TMEM132D: variants seen among roughly 807,000 people sequenced by gnomAD.
The protein encoded by TMEM132D is mature OL transmembrane protein.
TMEM132D carries 21 observed loss-of-function variants against 62.3 expected under a neutral mutation model. The observed-to-expected ratio is 0.34, with a 90% confidence interval of 0.24 to 0.49. The LOEUF (loss-of-function observed/expected upper bound fraction) is 0.49. TMEM132D is among the 20% of genes least tolerant of loss of function. TMEM132D has a pLI of 0.99. For synonymous variants in TMEM132D, 621 were observed against 575.6 expected (o/e 1.08, Z -1.13); for missense variants, 1,346 against 1,402.8 (o/e 0.96, Z 0.65).
chr12:129,163,303 C>G (rs919535246), intron 5 of TMEM132D, among the ~76,000 whole-genome samples: 1 of 152,224 alleles, frequency 6.6e-6, no homozygotes, highest in Non-Finnish European at 1.5e-5. Context: ...TCATTTCTCC[C>G]TCCTACATTC....
At chr12:129,662,812 A>AGAGAGAGAGAG (rs1555224286) in intron 2 of TMEM132D, among the ~76,000 whole-genome samples, 4 of 83,414 alleles carry the variant, frequency 4.8e-5, no homozygotes, top group Non-Finnish European at 4.4e-5. Context: ...AAAAAAAAAA[A>AGAGAGAGAGAG]AGAGAGAGAG....
chr12:129,656,839 T>C (rs866209797), intron 2 of TMEM132D, among the ~76,000 whole-genome samples: 1 of 152,174 alleles, frequency 6.6e-6, no homozygotes, highest in South Asian at 2.1e-4. Flanking sequence ...TCCAGACAAG[T>C]TAAGTATCTC....
At position 129,078,779 on chromosome 12, in the gene TMEM132D, C is replaced by A. The variant is rs1235719980; in HGVS notation, c.1924-54G>T. 1.9e-6 allele frequency: 3 copies of A among 1,576,096 alleles called. No individual in the cohort carries two copies. In the East Asian group the frequency reaches 6.8e-5, roughly 36 times the overall value. ...AAGGCTTTCTGTGGTCCAGGCAATG[C>A]CTCCAGTCACAGGAGGAAGTGCCAG... is the stretch of plus-strand genomic sequence containing the variant. On this transcript the variant is annotated intron_variant, in intron 7 of 8. Transcript: ENST00000422113.
In TMEM132D at chr12:129,073,046, TG is replaced by T. The variant is rs1874123149; in HGVS notation, c.*828del. 6.6e-6 allele frequency: 1 copy of T among 152,172 alleles called. No homozygotes were observed. Among genetic ancestry groups the T allele is most frequent in the Admixed American group, 6.5e-5 (1 of 15,286 alleles). 9.4% of individuals were successfully genotyped at this position (152,172 alleles called of 1,614,324 possible). Reference sequence around the variant, plus strand: ...CCCACCCACAGGTGACCAACGGCTTTGGGGAGGATGGCAATGCAGTGGAGGA... The same window carrying T: ...CCCACCCACAGGTGACCAACGGCTTTGGGAGGATGGCAATGCAGTGGAGGA... On this transcript the variant is annotated 3_prime_UTR_variant, in exon 9 of 9. Coordinates refer to ENST00000422113, the MANE Select transcript of TMEM132D (RefSeq NM_133448.3).
intron 8 of TMEM132D, 38 bp downstream of exon 8, chr12:129,078,496 G>A (rs767548424): frequency 1.8e-5 from 28 of 1,588,722 alleles, no homozygotes; most frequent in Non-Finnish European, 2.3e-5. Context: ...ACTTGGTGAG[G>A]GACCCTGCTG....
rs1022917530 is a variant in TMEM132D, at chr12:129,081,994, C to G, written c.1688G>C (p.Arg563Pro). The change falls in exon 7 of 9, where the codon CGG (arginine) becomes CCG (proline). Residue 563 changes from arginine (R) to proline (P), a missense_variant. Physicochemically the swap from Arg to Pro is moderately radical, Grantham distance 103. Coordinates refer to ENST00000422113, the MANE Select transcript of TMEM132D (RefSeq NM_133448.3). ...CTGCAGGGTGCAGCCGCGGCCCCTC[C>G]GCTCATCATCCTCCTCCTCTTCACT... is the stretch of plus-strand genomic sequence containing the variant. ...GDSEEEEDDE[R>P]RGRGCTLQYQ... The G allele has an allele frequency of 1.2e-6, 2 of 1,612,140 alleles. No homozygotes were observed. The highest frequency in any genetic ancestry group is 3.3e-5 in the Admixed American group (2 of 59,886).
intron 2 of TMEM132D, among the ~76,000 whole-genome samples, chr12:129,661,767 CTT>C (rs1170144309): frequency 6.6e-6 from 1 of 152,136 alleles, no homozygotes; most frequent in Non-Finnish European, 1.5e-5. Flanking sequence ...ATAAAGATGT[CTT>C]TGACATTTTA....
At chr12:129,575,315 C>G (rs1877630826) in intron 2 of TMEM132D, among the ~76,000 whole-genome samples, 1 of 151,754 alleles carries the variant, frequency 6.6e-6, no homozygotes, top group Non-Finnish European at 1.5e-5. Context: ...AAAAGTCATT[C>G]CGCCGGTCCT....
At chr12:129,361,532 G>C (rs1870249144) in intron 3 of TMEM132D, among the ~76,000 whole-genome samples, 1 of 108,948 alleles carries the variant, frequency 9.2e-6, no homozygotes, top group Non-Finnish European at 1.7e-5. Flanking sequence ...TTGTATCTTA[G>C]TATGAGTTAT....
intron 5 of TMEM132D, among the ~76,000 whole-genome samples, chr12:129,139,619 T>C (rs1305860690): frequency 6.6e-6 from 1 of 152,226 alleles, no homozygotes; most frequent in East Asian, 1.9e-4. Flanking sequence ...AAATAAGCAG[T>C]TGACTACTCT....
In TMEM132D at chr12:129,075,011, G is replaced by T; in HGVS notation, c.2164C>A (p.Pro722Thr). 1 of 1,613,276 alleles carries T rather than the reference G, an allele frequency of 6.2e-7. No homozygotes were observed. The highest frequency in any genetic ancestry group is 8.5e-7 in the Non-Finnish European group (1 of 1,179,986). ...TCTTTCCCATCGTAAATATCCAAGG[G>T]CGTGACTGAGCCATCACTGAACTGG... ...WVQFSDGSVT[P>T]LDIYDGKDFS... The change falls in exon 9 of 9, where the codon CCC becomes ACC. Residue 722 changes from proline to threonine, a missense_variant. Coordinates refer to ENST00000422113, the MANE Select transcript of TMEM132D (RefSeq NM_133448.3).
intron 2 of TMEM132D, among the ~76,000 whole-genome samples, chr12:129,639,163 A>C (rs1453228767): frequency 6.6e-6 from 1 of 152,000 alleles, no homozygotes; most frequent in Non-Finnish European, 1.5e-5. Flanking sequence ...CGGGCGGATC[A>C]CTTGAGGTCA....
chr12:129,214,589 A>G (rs887562748), intron 4 of TMEM132D, among the ~76,000 whole-genome samples: 1 of 152,184 alleles, frequency 6.6e-6, no homozygotes, highest in Non-Finnish European at 1.5e-5. Flanking sequence ...TCTCTGACAC[A>G]TTTCTGGCCC....
At chr12:129,136,738 CCAT>C (rs139557453) in intron 5 of TMEM132D, among the ~76,000 whole-genome samples, 2,970 of 149,730 alleles carry the variant, frequency 0.02, 97 homozygotes, top group African/African-American at 0.069. Flanking sequence ...ACCACCATTA[CCAT>C]CATCACCACC....
intron 2 of TMEM132D, among the ~76,000 whole-genome samples, chr12:129,685,097 A>G (rs1199371364): frequency 6.6e-6 from 1 of 152,224 alleles, no homozygotes; most frequent in Non-Finnish European, 1.5e-5. Flanking sequence ...TGACCTGAAG[A>G]TACAATAGAA....
chr12:129,403,706 A>G (rs992135329), intron 3 of TMEM132D, among the ~76,000 whole-genome samples: 3 of 152,062 alleles, frequency 2.0e-5, no homozygotes, highest in African/African-American at 7.2e-5. Flanking sequence ...CATTCTGTTG[A>G]CTCGCATGGA....
At chr12:129,687,560 C>G (rs573020054) in intron 2 of TMEM132D, among the ~76,000 whole-genome samples, 49 of 152,062 alleles carry the variant, frequency 3.2e-4, no homozygotes, top group African/African-American at 1.1e-3. Context: ...TCTGGCACAA[C>G]CAGGGGGGTG....
chr12:129,547,388 G>T (rs1187062029), intron 2 of TMEM132D, among the ~76,000 whole-genome samples: 1 of 152,126 alleles, frequency 6.6e-6, no homozygotes, highest in Non-Finnish European at 1.5e-5. Flanking sequence ...ACAAGAGTGA[G>T]CCACGGTGCC....
intron 3 of TMEM132D, among the ~76,000 whole-genome samples, chr12:129,499,439 G>C (rs1261756323): frequency 6.6e-6 from 1 of 152,174 alleles, no homozygotes; most frequent in East Asian, 1.9e-4. Flanking sequence ...TACTCTCTGT[G>C]TTTCAGTAAT....
Sources: allele counts gnomAD v4.1 joint callset (sites outside exome capture counted in the v4.1 genomes callset), GRCh38; gene constraint gnomAD v4.1.1; transcripts MANE v1.5; gene names NCBI Gene and HGNC (gene_info 2026-07-23, HGNC 2026-07-21).